RERE: variants seen among roughly 807,000 people sequenced by gnomAD.
RERE encodes arginine-glutamic acid dipeptide repeats protein.
In RERE, 40 loss-of-function variants were observed where a neutral mutation model predicts 146.1. The ratio of observed to expected loss-of-function variants is 0.27; its 90% CI spans 0.21 to 0.36. The LOEUF (loss-of-function observed/expected upper bound fraction) is 0.36. Ranked by LOEUF, RERE falls within the 10% of genes least tolerant of loss-of-function variation. RERE has a pLI of 1.00. For missense variants in RERE, 1,933 were observed against 2,138.7 expected, an observed-to-expected ratio of 0.90 and a Z score of 1.90; for synonymous variants, 1,003 against 866.0, an observed-to-expected ratio of 1.16 and a Z score of -2.78.
At chr1:8,650,795 G>A (rs908060132) in intron 2 of RERE, among the ~76,000 whole-genome samples, 2 of 152,120 alleles carry the variant, frequency 1.3e-5, no homozygotes, top group African/African-American at 4.8e-5. Context: ...TACTTATGAG[G>A]CTGAGGCAGG....
rs1436654775 is a variant in RERE, at chr1:8,482,665, G to C, written c.1104+12398C>G. ...GCACTGCACTCGAGCCTGGGCAACA[G>C]AGTGAGATTCTGTTGCAAAAAAAAA... On this transcript the variant is annotated intron_variant, in intron 10 of 22. Coordinates refer to ENST00000400908, the MANE Select transcript of RERE (RefSeq NM_001042681.2). Among the ~76,000 whole-genome samples, 4 of 112,140 alleles carry C rather than the reference G, an allele frequency of 3.6e-5. No homozygotes were observed. The East Asian group carries it at 9.6e-4, about 27-fold the overall frequency. The allele number at this position is 112,140 out of a possible 152,430, so 73.6% of individuals were successfully genotyped here.
intron 3 of RERE, among the ~76,000 whole-genome samples, chr1:8,615,799 C>T (rs1363407086): frequency 3.3e-5 from 5 of 152,142 alleles, no homozygotes; most frequent in Non-Finnish European, 5.9e-5. Flanking sequence ...CACACACACA[C>T]ACACAAAACA....
intron 12 of RERE, among the ~76,000 whole-genome samples, chr1:8,405,657 C>T (rs1483323700): frequency 2.0e-5 from 3 of 152,074 alleles, no homozygotes; most frequent in East Asian, 1.9e-4. Context: ...TTTTTATTTT[C>T]GAGACGGAGT....
chr1:8,748,294 C>T (rs1016993501), intron 1 of RERE, among the ~76,000 whole-genome samples: 1 of 152,194 alleles, frequency 6.6e-6, no homozygotes, highest in Non-Finnish European at 1.5e-5. Flanking sequence ...TCCACAATCA[C>T]TTCAGTCAGA....
Position 8,607,725 on chromosome 1 carries a change from C to CTTT in RERE, c.522+6833_522+6835dup, listed in dbSNP as rs35349056. ...CACAGCCACACAACACCATATCTGGCTTTTTTTTTTTTTTTTTTGAGATGG... is the reference window on the plus strand; with the variant it reads ...CACAGCCACACAACACCATATCTGGCTTTTTTTTTTTTTTTTTTTTTGAGATGG... On this transcript the variant is annotated intron_variant, in intron 4 of 22. Transcript: ENST00000400908. Among the ~76,000 whole-genome samples the CTTT allele has an allele frequency of 1.1e-3, 102 of 92,904 alleles. 5 individuals carry two copies. The highest frequency in any genetic ancestry group is 2.4e-3 in the Admixed American group (18 of 7,550). 60.9% of individuals were successfully genotyped at this position (92,904 alleles called of 152,430 possible). A position where few individuals can be genotyped will look rare whatever the true frequency, so the allele number is the denominator to read the frequency against.
chr1:8,371,465 T>C (rs1642033116), intron 12 of RERE, among the ~76,000 whole-genome samples: 3 of 152,144 alleles, frequency 2.0e-5, no homozygotes, highest in Admixed American at 2.0e-4. Flanking sequence ...AGTAAGCTGC[T>C]TGGCACCAGG....
At chr1:8,582,554 T>C (rs1646380126) in intron 4 of RERE, among the ~76,000 whole-genome samples, 1 of 152,024 alleles carries the variant, frequency 6.6e-6, no homozygotes, top group Non-Finnish European at 1.5e-5. Flanking sequence ...TAAGGGTTAC[T>C]TTCTAAACCA....
rs373329173 is a variant in RERE, at chr1:8,765,583, C to CTG, written c.-145+51575_-145+51576dup. On this transcript the variant is annotated intron_variant, in intron 1 of 22. Transcript: ENST00000400908. The stretch of plus-strand genomic sequence containing the variant: ...TCTGTAATACCAGCACTTTGGGAGG[C>CTG]TGAGGTGGATGGATCACCCGAGGTC... Among the ~76,000 whole-genome samples, 775 of 152,316 alleles carry CTG rather than the reference C, an allele frequency of 5.1e-3. 8 individuals carry two copies. The highest frequency in any genetic ancestry group is 0.029 in the South Asian group (141 of 4,828).
rs539120058 is a variant in RERE at position 8,527,451 on chromosome 1, AAACT to A, written c.830+13759_830+13762del. Among the ~76,000 whole-genome samples the A allele has an allele frequency of 1.8e-4, 27 of 152,314 alleles. No individual in the cohort carries two copies. The Middle Eastern group carries it at 0.017, about 96-fold the overall frequency. On this transcript the variant is annotated intron_variant, in intron 7 of 22. Coordinates refer to ENST00000400908, the MANE Select transcript of RERE (RefSeq NM_001042681.2). The stretch of plus-strand genomic sequence containing the variant: ...AAAAGTGTATATATTAAAAAAAAAC[AAACT>A]ATCTAACCCTTTCATATGGAAAATG...
chr1:8,510,347 G>T (rs954433625), intron 7 of RERE, among the ~76,000 whole-genome samples: 4 of 152,168 alleles, frequency 2.6e-5, no homozygotes, highest in African/African-American at 9.7e-5. Flanking sequence ...GACTTTCCAA[G>T]TAGAAATGAA....
chr1:8,460,988 C>G (rs1258975831), intron 11 of RERE, among the ~76,000 whole-genome samples: 2 of 152,170 alleles, frequency 1.3e-5, no homozygotes, highest in African/African-American at 4.8e-5. Context: ...AGCACAGCAT[C>G]AAGCGGCAAC....
intron 8 of RERE, among the ~76,000 whole-genome samples, chr1:8,501,055 G>A (rs1403718977): frequency 8.2e-5 from 2 of 24,254 alleles, no homozygotes; most frequent in African/African-American, 1.1e-4. Context: ...TCAGCCCCCC[G>A]CCCGGCCAGC....
intron 10 of RERE, among the ~76,000 whole-genome samples, chr1:8,473,590 C>G (rs1308926184): frequency 6.6e-6 from 1 of 152,224 alleles, no homozygotes; most frequent in African/African-American, 2.4e-5. Flanking sequence ...GCCTAAAAAG[C>G]TCTCAGTAAC....
Position 8,364,946 on chromosome 1 carries a change from A to G in RERE, c.1448-108T>C. On this transcript the variant is annotated intron_variant, in intron 13 of 22. Coordinates refer to ENST00000400908, the MANE Select transcript of RERE (RefSeq NM_001042681.2). The surrounding 1 kb of genome is among the most constrained non-coding windows in gnomAD (Gnocchi z 5.1). ...GGGGAACACCTGTGACCTCTGGCCT[A>G]CTGCAGGTTCTGGCCACCAGTCAGA... 1.3e-6 allele frequency: 1 copy of G among 750,082 alleles called. No individual in the cohort carries two copies. Among genetic ancestry groups the G allele is most frequent in the Non-Finnish European group, 2.3e-6 (1 of 441,046 alleles). 46.5% of individuals were successfully genotyped at this position (750,082 alleles called of 1,614,324 possible).
intron 1 of RERE, chr1:8,786,425 C>T (rs926755824): frequency 3.2e-5 from 28 of 862,090 alleles, no homozygotes; most frequent in African/African-American, 1.8e-4. Context: ...GCAATCAAAG[C>T]GTTATCTGTC....
chr1:8,467,227 A>G (rs1017608685), intron 10 of RERE, among the ~76,000 whole-genome samples: 3 of 152,258 alleles, frequency 2.0e-5, no homozygotes, highest in Non-Finnish European at 4.4e-5. Flanking sequence ...ATGAGCCAGC[A>G]TTTGCCGAAC....
intron 1 of RERE, among the ~76,000 whole-genome samples, chr1:8,759,876 C>CACAA (rs1294214023): frequency 1.3e-5 from 2 of 150,692 alleles, no homozygotes; most frequent in Admixed American, 6.6e-5. Flanking sequence ...CACACACACA[C>CACAA]AATATGTCTT....
At chr1:8,363,947 TTGTC>T (rs1346917025) in intron 15 of RERE, 105 bp downstream of exon 15, 9 of 1,012,750 alleles carry the variant, frequency 8.9e-6, no homozygotes, top group South Asian at 4.3e-5. Context: ...CTCCAGGACT[TTGTC>T]TGGTAAACAA....
chr1:8,667,854 G>T (rs1301994146), intron 1 of RERE, among the ~76,000 whole-genome samples: 3 of 152,172 alleles, frequency 2.0e-5, no homozygotes, highest in Admixed American at 6.5e-5. Flanking sequence ...TCTAAACAGG[G>T]CTTCTCAACT....
Sources: gnomAD v4.1 joint callset for allele counts (sites outside exome capture counted in the v4.1 genomes callset) on GRCh38, gnomAD v4.1.1 for gene constraint, Gnocchi (gnomAD v3.1) non-coding constraint, MANE v1.5 for transcripts, NCBI Gene and HGNC (gene_info 2026-07-23, HGNC 2026-07-21) for gene names.